The following C1orf87 variants were observed in gnomAD, a reference collection of about 807,000 sequenced individuals.
C1orf87 encodes the protein uncharacterized protein C1orf87.
C1orf87 carries 58 observed loss-of-function variants against 60.5 expected under a neutral mutation model. The observed-to-expected ratio is 0.96, with a 90% confidence interval of 0.78 to 1.19. The LOEUF (loss-of-function observed/expected upper bound fraction) is 1.19, where lower values mean the gene tolerates loss of function less well. C1orf87 is among the 50% of genes most tolerant of loss of function. C1orf87 has a pLI of 0.00. For synonymous variants in C1orf87, 236 were observed against 227.4 expected, an observed-to-expected ratio of 1.04 and a Z score of -0.34; for missense variants, 673 against 638.6, an observed-to-expected ratio of 1.05 and a Z score of -0.58.
intron 2 of C1orf87, among the ~76,000 whole-genome samples, chr1:60,065,768 A>AAATG (rs1191252722): frequency 6.6e-6 from 1 of 152,328 alleles, no homozygotes; most frequent in African/African-American, 2.4e-5. Context: ...GAGGATTCAA[A>AAATG]AATGACAGAA....
rs376238550 is a variant in C1orf87, at chr1:59,990,972, G to A, written c.1481-139C>T. 2.1e-5 allele frequency: 16 copies of A among 778,148 alleles called. No individual in the cohort carries two copies. In the African/African-American group the frequency reaches 2.3e-4, roughly 11 times the overall value. The allele number at this position is 778,148 out of a possible 1,614,324, so 48.2% of individuals were successfully genotyped here. A position where few individuals can be genotyped will look rare whatever the true frequency, so the allele number is the denominator to read the frequency against. ...CAATTTTAAGCTTCTTAAAAATCAA[G>A]TGGCATATTAAAAAATATTTATAGC... On this transcript the variant is annotated intron_variant, in intron 11 of 11. Transcript: ENST00000371201.
chr1:60,023,073 G>C (rs1645174903), intron 8 of C1orf87, among the ~76,000 whole-genome samples: 1 of 152,036 alleles, frequency 6.6e-6, no homozygotes, highest in Admixed American at 6.6e-5. Flanking sequence ...CCACAGAAAG[G>C]GGAAGGCTAC....
intron 2 of C1orf87, among the ~76,000 whole-genome samples, chr1:60,071,000 G>A (rs1339742594): frequency 6.6e-6 from 1 of 152,154 alleles, no homozygotes; most frequent in Non-Finnish European, 1.5e-5. Context: ...TAGGAGATCT[G>A]AGCCAGGTGT....
intron 7 of C1orf87, among the ~76,000 whole-genome samples, chr1:60,028,716 T>C (rs549885971): frequency 6.6e-6 from 1 of 152,344 alleles, no homozygotes; most frequent in South Asian, 2.1e-4. Context: ...GTTTACCAAG[T>C]TACTAGGAAC....
intron 2 of C1orf87, among the ~76,000 whole-genome samples, chr1:60,060,770 A>G (rs949496426): frequency 6.6e-6 from 1 of 152,186 alleles, no homozygotes; most frequent in Non-Finnish European, 1.5e-5. Context: ...TGATTAAAAA[A>G]AAACAACCCA....
At chr1:60,065,008 A>ATG (rs1340350415) in intron 2 of C1orf87, among the ~76,000 whole-genome samples, 1 of 64,262 alleles carries the variant, frequency 1.6e-5, no homozygotes, top group African/African-American at 6.3e-5. Flanking sequence ...AATATTAAAT[A>ATG]TATATTAAAT....
chr1:60,059,742 T>C (rs1645482017), intron 2 of C1orf87, among the ~76,000 whole-genome samples: 1 of 152,152 alleles, frequency 6.6e-6, no homozygotes, highest in Admixed American at 6.5e-5. Flanking sequence ...AGATGCCATC[T>C]TAAAGGTCTG....
chr1:60,011,807 A>G (rs1645086999), intron 8 of C1orf87, among the ~76,000 whole-genome samples: 2 of 152,136 alleles, frequency 1.3e-5, no homozygotes, highest in African/African-American at 4.8e-5. Flanking sequence ...TATATATGAC[A>G]TAACATTTAG....
chr1:60,058,165 G>A (rs1645470328), intron 2 of C1orf87, among the ~76,000 whole-genome samples: 1 of 152,148 alleles, frequency 6.6e-6, no homozygotes, highest in Admixed American at 6.5e-5. Context: ...GCTAACAACT[G>A]GTAAAACTAT....
chr1:60,051,867 G>A (rs1245533686), intron 3 of C1orf87, among the ~76,000 whole-genome samples: 3 of 152,220 alleles, frequency 2.0e-5, no homozygotes, highest in Admixed American at 2.0e-4. Context: ...GGGTTAGGGA[G>A]AGACAGGAGG....
At chr1:59,992,577 G>A (rs1297633725) in intron 11 of C1orf87, among the ~76,000 whole-genome samples, 2 of 152,048 alleles carry the variant, frequency 1.3e-5, no homozygotes, top group Non-Finnish European at 2.9e-5. Context: ...CTTCATATGT[G>A]CGAACTGTAA....
In C1orf87 at chr1:59,990,601, C is replaced by T; in HGVS notation, c.*72G>A. ...CAATGCCTCCGCCACTACACTTAGG[C>T]TGGGGAGAAACATGTGTCTGGGTAA... On this transcript the variant is annotated 3_prime_UTR_variant, in exon 12 of 12. Transcript: ENST00000371201. 1 of 1,555,948 alleles carries T rather than the reference C, an allele frequency of 6.4e-7. No homozygotes were observed. The highest frequency in any genetic ancestry group is 8.8e-7 in the Non-Finnish European group (1 of 1,140,098).
Position 59,997,811 on chromosome 1 carries a change from A to C in C1orf87, c.1278T>G (p.Thr426=), listed in dbSNP as rs957979976. 3.1e-6 allele frequency: 5 copies of C among 1,613,062 alleles called. No individual in the cohort carries two copies. Among genetic ancestry groups the C allele is most frequent in the Admixed American group, 3.3e-5 (2 of 59,906 alleles). The change falls in exon 11 of 12, where the codon ACT becomes ACG. Residue 426 remains threonine (T), a synonymous_variant. Coordinates refer to ENST00000371201, the MANE Select transcript of C1orf87 (RefSeq NM_152377.3). Reference sequence around the variant, plus strand: ...TTTCTGGCTGCAGCTCCTCTTCTGGAGTTTTCTACCAAAACAACAAAAGCA... The same window carrying C: ...TTTCTGGCTGCAGCTCCTCTTCTGGCGTTTTCTACCAAAACAACAAAAGCA... ...MSQSKTEHMK[T]PEEELQPESS...
At chr1:60,050,287 C>T (rs635380) in intron 3 of C1orf87, among the ~76,000 whole-genome samples, 151,842 of 152,110 alleles carry the variant, frequency 1, 75,788 homozygotes, top group Middle Eastern at 1. Context: ...TCAAATCTAC[C>T]CTTGTATCTT....
At chr1:60,051,832 G>A (rs1054108168) in intron 3 of C1orf87, among the ~76,000 whole-genome samples, 4 of 152,296 alleles carry the variant, frequency 2.6e-5, no homozygotes, top group Non-Finnish European at 4.4e-5. Context: ...AGAATTTAAC[G>A]GAATCTGTGA....
intron 11 of C1orf87, among the ~76,000 whole-genome samples, chr1:59,996,853 A>G (rs1644966733): frequency 6.6e-6 from 1 of 152,174 alleles, no homozygotes; most frequent in Non-Finnish European, 1.5e-5. Flanking sequence ...CCTCAAAACA[A>G]AACTGTGCAA....
At chr1:60,032,341 G>A (rs972075808) in intron 7 of C1orf87, among the ~76,000 whole-genome samples, 2 of 150,544 alleles carry the variant, frequency 1.3e-5, no homozygotes, top group African/African-American at 4.9e-5. Flanking sequence ...CTGCCTCTCA[G>A]TTTCCATAAC....
chr1:60,040,233 G>A, intron 4 of C1orf87, 53 bp from the exon 5 acceptor site: 1 of 1,562,386 alleles, frequency 6.4e-7, no homozygotes, highest in Non-Finnish European at 8.6e-7. Context: ...GCCGGCTAAA[G>A]ACCAAAGCAA....
intron 8 of C1orf87, among the ~76,000 whole-genome samples, chr1:60,020,048 A>G (rs1645151541): frequency 6.6e-6 from 1 of 152,222 alleles, no homozygotes; most frequent in Non-Finnish European, 1.5e-5. Context: ...TGCATAAGTG[A>G]TGAGGAGCTA....
Sources: gnomAD v4.1 joint callset for allele counts (sites outside exome capture counted in the v4.1 genomes callset) on GRCh38, gnomAD v4.1.1 for gene constraint, MANE v1.5 for transcripts, NCBI Gene and HGNC (gene_info 2026-07-23, HGNC 2026-07-21) for gene names.